The following UBE4B variants were observed in gnomAD, a reference collection of about 807,000 sequenced individuals.
The protein encoded by UBE4B is ubiquitination factor E4B.
UBE4B carries 27 observed loss-of-function variants against 148.1 expected under a neutral mutation model. The ratio of observed to expected loss-of-function variants is 0.18; its 90% CI spans 0.13 to 0.25. The LOEUF is 0.25. Ranked by LOEUF, UBE4B falls within the 10% of genes least tolerant of loss-of-function variation. The probability of loss-of-function intolerance (pLI) is 1.00; values close to 1 mark genes in which losing one functional copy is unlikely to be tolerated. For missense variants in UBE4B, 1,170 were observed against 1,662.4 expected, an observed-to-expected ratio of 0.70 and a Z score of 5.15; for synonymous variants, 596 against 619.3, an observed-to-expected ratio of 0.96 and a Z score of 0.56.
intron 21 of UBE4B, among the ~76,000 whole-genome samples, chr1:10,157,855 A>G (rs2102002826): frequency 6.6e-6 from 1 of 152,256 alleles, no homozygotes; most frequent in Non-Finnish European, 1.5e-5. Context: ...TTGGACAAAC[A>G]AGTTTGATTT....
Position 10,121,945 on chromosome 1 carries a change from T to C in UBE4B, c.1440-17T>C, listed in dbSNP as rs547629066. ...GAGTTGACTTCATCACCGTCCCTAA[T>C]GTTCATGGGTCCACAGGTCCTTGCA... On this transcript the variant is annotated splice_polypyrimidine_tract_variant and intron_variant, in intron 9 of 27. Coordinates refer to ENST00000343090, the MANE Select transcript of UBE4B (RefSeq NM_001105562.3). The C allele has an allele frequency of 1.3e-6, 2 of 1,577,356 alleles. No individual in the cohort carries two copies. The highest frequency in any genetic ancestry group is 1.1e-5 in the South Asian group (1 of 88,506).
At chr1:10,083,705 T>C (rs1644719786) in intron 2 of UBE4B, among the ~76,000 whole-genome samples, 1 of 152,058 alleles carries the variant, frequency 6.6e-6, no homozygotes, top group Non-Finnish European at 1.5e-5. Context: ...GGCTACTGAG[T>C]TCAGGAGGCT....
At position 10,153,153 on chromosome 1, in the gene UBE4B, C is replaced by T. The variant is rs1321620481; in HGVS notation, c.2926+1592C>T. ...CCCCTATTGGCAACCCTAGAGAGGG[C>T]GGGCTGCCAAAGGAAAGATTCTGCA... On this transcript the variant is annotated intron_variant, in intron 21 of 27. Coordinates refer to ENST00000343090, the MANE Select transcript of UBE4B (RefSeq NM_001105562.3). Among the ~76,000 whole-genome samples, 8 of 151,972 alleles carry T rather than the reference C, an allele frequency of 5.3e-5. No homozygotes were observed. In the East Asian group the frequency reaches 1.5e-3, roughly 29 times the overall value.
chr1:10,134,896 C>T, intron 15 of UBE4B, 92 bp from the exon 16 acceptor site: 1 of 1,109,694 alleles, frequency 9.0e-7, no homozygotes, highest in Non-Finnish European at 1.3e-6. Flanking sequence ...GATCACACCC[C>T]TTCGCTCCAG....
intron 2 of UBE4B, among the ~76,000 whole-genome samples, chr1:10,094,516 C>T (rs11121516): frequency 0.2 from 30,488 of 151,018 alleles, 3,903 homozygotes; most frequent in African/African-American, 0.36. Context: ...TCACTGCAAC[C>T]TCCGCCTCCC....
chr1:10,148,925 G>C (rs1645926156), intron 19 of UBE4B, among the ~76,000 whole-genome samples: 1 of 152,170 alleles, frequency 6.6e-6, no homozygotes, highest in Non-Finnish European at 1.5e-5. Flanking sequence ...GGGTGACAGA[G>C]TGAGACTCCA....
rs571201762 is a variant in UBE4B at position 10,042,594 on chromosome 1, C to T, written c.24+8900C>T. Among the ~76,000 whole-genome samples, 226 of 152,302 alleles carry T rather than the reference C, an allele frequency of 1.5e-3. 2 individuals carry two copies. Among genetic ancestry groups the T allele is most frequent in the African/African-American group, 4.8e-3 (200 of 41,568 alleles). On this transcript the variant is annotated intron_variant, in intron 1 of 27. Transcript: ENST00000343090. ...CCCGGGAGGCAGGGGTTACAGTGAG[C>T]TGAGATTGCACCACTGCACTCTAGC... is the stretch of plus-strand genomic sequence containing the variant.
At chr1:10,148,225 C>CA (rs371861742) in intron 19 of UBE4B, among the ~76,000 whole-genome samples, 3,188 of 121,518 alleles carry the variant, frequency 0.026, 47 homozygotes, top group Non-Finnish European at 0.037. Flanking sequence ...GACTCCATCT[C>CA]AAAAAAAAAA....
intron 16 of UBE4B, 59 bp downstream of exon 16, chr1:10,135,245 T>C (rs1296057403): frequency 1.2e-5 from 18 of 1,498,662 alleles, no homozygotes; most frequent in Non-Finnish European, 1.6e-5. Flanking sequence ...TGTGTGCTAG[T>C]AGTTCCTCAC....
intron 1 of UBE4B, among the ~76,000 whole-genome samples, chr1:10,052,441 G>T (rs955341118): frequency 1.3e-5 from 2 of 152,134 alleles, no homozygotes; most frequent in Non-Finnish European, 2.9e-5. Context: ...ACGTTTTTGG[G>T]AATTGAACTT....
At chr1:10,118,018 G>A (rs1381019520) in intron 8 of UBE4B, among the ~76,000 whole-genome samples, 2 of 152,188 alleles carry the variant, frequency 1.3e-5, no homozygotes, top group African/African-American at 2.4e-5. Context: ...GTGGAACCCG[G>A]TATAACATAG....
intron 22 of UBE4B, among the ~76,000 whole-genome samples, chr1:10,159,123 A>T (rs561422676): frequency 4.7e-4 from 71 of 152,200 alleles, no homozygotes; most frequent in African/African-American, 1.6e-3. Context: ...TGTCAGAATG[A>T]GTGAAATGAA....
intron 26 of UBE4B, 174 bp from the exon 27 acceptor site, chr1:10,179,242 G>C: frequency 5.5e-6 from 4 of 731,750 alleles, no homozygotes; most frequent in Non-Finnish European, 6.4e-6. Context: ...CCTTACAAAA[G>C]GCAATGTATA....
intron 7 of UBE4B, among the ~76,000 whole-genome samples, chr1:10,116,886 T>G (rs1048114918): frequency 6.6e-6 from 1 of 152,254 alleles, no homozygotes; most frequent in Non-Finnish European, 1.5e-5. Context: ...TGTCTTTTAC[T>G]ATACTACTTT....
chr1:10,067,634 T>G (rs978607051), intron 1 of UBE4B, among the ~76,000 whole-genome samples: 53 of 152,048 alleles, frequency 3.5e-4, no homozygotes, highest in Admixed American at 1.0e-3. Flanking sequence ...TTTTTTTTTT[T>G]GAGACCCGGC....
intron 2 of UBE4B, among the ~76,000 whole-genome samples, chr1:10,093,556 T>G (rs1644882232): frequency 6.6e-6 from 1 of 152,186 alleles, no homozygotes; most frequent in East Asian, 1.9e-4. Context: ...TTTTATAATA[T>G]TCTTCAATGA....
chr1:10,171,450 G>A, intron 25 of UBE4B, 121 bp downstream of exon 25: 2 of 1,281,390 alleles, frequency 1.6e-6, no homozygotes, highest in East Asian at 2.4e-5. Context: ...CTTTGAGTGT[G>A]AAGAGCAGAT....
At chr1:10,119,275 T>C (rs567869127) in intron 8 of UBE4B, among the ~76,000 whole-genome samples, 1 of 152,292 alleles carries the variant, frequency 6.6e-6, no homozygotes, top group African/African-American at 2.4e-5. Flanking sequence ...GCCTGGCCTC[T>C]AAGGTTCTTA....
In UBE4B at chr1:10,105,588, A is replaced by G. The variant is rs779674134; in HGVS notation, c.653A>G (p.Asp218Gly). Residue 218 changes from aspartate (D) to glycine (G), a missense_variant, in exon 6 of 28, where the codon GAT (aspartate) becomes GGT (glycine). Transcript: ENST00000343090. The part of the protein sequence containing the change: ...EVLMMSTQTR[D>G]ENPFASLTAT... Reference sequence around the variant, plus strand: ...CTAATGATGTCCACTCAGACCAGAGATGAAAACCCATTTGCCAGTCTGACA... The same window carrying G: ...CTAATGATGTCCACTCAGACCAGAGGTGAAAACCCATTTGCCAGTCTGACA... The G allele has an allele frequency of 3.1e-6, 5 of 1,614,116 alleles. No homozygotes were observed. The African/African-American group carries it at 6.7e-5, about 22-fold the overall frequency.
Sources: gnomAD v4.1 joint callset for allele counts (sites outside exome capture counted in the v4.1 genomes callset) on GRCh38, gnomAD v4.1.1 for gene constraint, MANE v1.5 for transcripts, NCBI Gene and HGNC (gene_info 2026-07-23, HGNC 2026-07-21) for gene names.